Variants in PCDH9 observed in about 807,000 individuals in gnomAD.
The protein encoded by PCDH9 is protocadherin 9.
PCDH9 carries 24 observed loss-of-function variants against 70.6 expected under a neutral mutation model. That is an observed-to-expected ratio of 0.34 (90% confidence interval 0.25 to 0.48). The LOEUF (loss-of-function observed/expected upper bound fraction) is 0.48. Ranked by LOEUF, PCDH9 falls within the 20% of genes least tolerant of loss-of-function variation. The pLI is 0.99. For synonymous variants in PCDH9, 562 were observed against 558.5 expected (o/e 1.01, Z -0.09); for missense variants, 1,281 against 1,503.6 (o/e 0.85, Z 2.45).
At chr13:66,989,022 T>G (rs2083948895) in intron 2 of PCDH9, among the ~76,000 whole-genome samples, 1 of 151,908 alleles carries the variant, frequency 6.6e-6, no homozygotes, top group East Asian at 1.9e-4. Context: ...GCAAACTTGT[T>G]TGGAGCACAA....
chr13:66,990,514 A>G (rs2083980213), intron 2 of PCDH9, among the ~76,000 whole-genome samples: 1 of 150,398 alleles, frequency 6.6e-6, no homozygotes, highest in Admixed American at 6.7e-5. Flanking sequence ...TATCATTAGT[A>G]TATCATATTC....
chr13:66,719,647 A>G (rs1448737164), intron 3 of PCDH9, among the ~76,000 whole-genome samples: 1 of 152,222 alleles, frequency 6.6e-6, no homozygotes, highest in Non-Finnish European at 1.5e-5. Context: ...ACCAGTTTGA[A>G]CAACAAACGT....
At chr13:66,668,720 T>C (rs1357583513) in intron 3 of PCDH9, among the ~76,000 whole-genome samples, 2 of 152,184 alleles carry the variant, frequency 1.3e-5, no homozygotes, top group African/African-American at 4.8e-5. Context: ...GAGCAACTTA[T>C]TGAAAATCAT....
chr13:66,520,436 C>CT (rs1485243772), intron 4 of PCDH9, among the ~76,000 whole-genome samples: 16 of 152,264 alleles, frequency 1.1e-4, no homozygotes, highest in Admixed American at 6.5e-5. Context: ...GGGAAGTTGT[C>CT]TTTTTTCCTG....
intron 3 of PCDH9, among the ~76,000 whole-genome samples, chr13:66,896,769 C>T (rs77194515): frequency 0.017 from 2,626 of 152,168 alleles, 76 homozygotes; most frequent in African/African-American, 0.059. Flanking sequence ...CATTTTGAAC[C>T]AGGTCTTAGA....
chr13:66,723,766 T>G (rs7987589), intron 3 of PCDH9, among the ~76,000 whole-genome samples: 102,818 of 151,878 alleles, frequency 0.68, 35,283 homozygotes, highest in African/African-American at 0.78. Flanking sequence ...GAAGGAGAGG[T>G]TTGCCAGCAC....
intron 4 of PCDH9, among the ~76,000 whole-genome samples, chr13:66,580,894 G>GT (rs1160523567): frequency 3.3e-5 from 5 of 152,098 alleles, no homozygotes; most frequent in Non-Finnish European, 7.4e-5. Flanking sequence ...GAAGATAGAA[G>GT]TAACTATGAA....
At chr13:66,593,171 C>T (rs987832550) in intron 4 of PCDH9, among the ~76,000 whole-genome samples, 25 of 151,616 alleles carry the variant, frequency 1.6e-4, no homozygotes, top group African/African-American at 5.6e-4. Context: ...TGATTAGATG[C>T]AGTGCTTATA....
intron 3 of PCDH9, among the ~76,000 whole-genome samples, chr13:66,824,282 T>G (rs2080769300): frequency 7.1e-6 from 1 of 141,446 alleles, no homozygotes; most frequent in Non-Finnish European, 1.5e-5. Flanking sequence ...ATTTTAAAAT[T>G]TTGCCCTCAT....
intron 4 of PCDH9, among the ~76,000 whole-genome samples, chr13:66,508,665 A>T (rs557837121): frequency 4.2e-4 from 64 of 152,148 alleles, no homozygotes; most frequent in African/African-American, 1.4e-3. Context: ...GATATTCATA[A>T]AAAAAAACAA....
intron 3 of PCDH9, among the ~76,000 whole-genome samples, chr13:66,797,327 T>C (rs2080258542): frequency 6.6e-6 from 1 of 152,196 alleles, no homozygotes; most frequent in Admixed American, 6.5e-5. Context: ...TTGATAATGA[T>C]TTATGGTTAT....
chr13:66,558,774 A>T (rs1961861447), intron 4 of PCDH9, among the ~76,000 whole-genome samples: 3 of 152,118 alleles, frequency 2.0e-5, no homozygotes. Flanking sequence ...CTCTGGATGC[A>T]GTCAGCCAGA....
rs139080196 is a variant in PCDH9, at chr13:66,832,307, G to A, written c.3138+71197C>T. Among the ~76,000 whole-genome samples the A allele has an allele frequency of 1.3e-3, 191 of 152,094 alleles. 1 individual carries two copies. The highest frequency in any genetic ancestry group is 2.1e-4 in the Non-Finnish European group (14 of 67,964). On this transcript the variant is annotated intron_variant, in intron 3 of 4. Coordinates refer to ENST00000377865, the MANE Select transcript of PCDH9 (RefSeq NM_203487.3). ...TTAAATGTGATTAATAACTGAAACA[G>A]AATTAGAATATTCTTACATTTAGTG...
intron 3 of PCDH9, among the ~76,000 whole-genome samples, chr13:66,897,133 T>C (rs142792756): frequency 1.4e-4 from 22 of 152,216 alleles, no homozygotes; most frequent in African/African-American, 5.1e-4. Context: ...AAGAACCATG[T>C]TTGTATACAC....
intron 2 of PCDH9, among the ~76,000 whole-genome samples, chr13:67,001,532 A>G (rs2084244232): frequency 6.6e-6 from 1 of 152,174 alleles, no homozygotes; most frequent in African/African-American, 2.4e-5. Context: ...TGCTCTTGGT[A>G]CAGCATTCTA....
intron 2 of PCDH9, among the ~76,000 whole-genome samples, chr13:67,045,168 T>C (rs1333075713): frequency 1.3e-5 from 2 of 152,056 alleles, no homozygotes; most frequent in African/African-American, 2.4e-5. Flanking sequence ...AACACAACCC[T>C]TTACCCAGCA....
intron 2 of PCDH9, among the ~76,000 whole-genome samples, chr13:67,038,722 T>C (rs2085055499): frequency 6.6e-6 from 1 of 152,212 alleles, no homozygotes; most frequent in South Asian, 2.1e-4. Context: ...TCTTTGCCCC[T>C]AGTTTCTGGC....
intron 3 of PCDH9, among the ~76,000 whole-genome samples, chr13:66,634,978 G>C (rs2077618941): frequency 6.6e-6 from 1 of 152,146 alleles, no homozygotes; most frequent in South Asian, 2.1e-4. Flanking sequence ...AAAGTGAAGA[G>C]TTGCCCATTA....
chr13:66,917,343 T>A (rs1053835886), intron 2 of PCDH9, among the ~76,000 whole-genome samples: 8 of 151,678 alleles, frequency 5.3e-5, no homozygotes, highest in African/African-American at 1.7e-4. Context: ...ACTAAAATTG[T>A]CTTTTCCATT....
Sources: gnomAD v4.1 joint callset for allele counts (sites outside exome capture counted in the v4.1 genomes callset) on GRCh38, gnomAD v4.1.1 for gene constraint, MANE v1.5 for transcripts, NCBI Gene and HGNC (gene_info 2026-07-23, HGNC 2026-07-21) for gene names.